FRAS1: variants seen among roughly 807,000 people sequenced by gnomAD.
The protein encoded by FRAS1 is Fraser extracellular matrix complex subunit 1, also known as extracellular matrix organizing protein FRAS1.
FRAS1 carries 290 observed loss-of-function variants against 435.2 expected under a neutral mutation model. The ratio of observed to expected loss-of-function variants is 0.67; its 90% confidence interval spans 0.61 to 0.73. The LOEUF is 0.73. FRAS1 is among the 30% of genes least tolerant of loss of function. The pLI is 0.00. For synonymous variants in FRAS1, 1,800 were observed against 1,851.0 expected (o/e 0.97, Z 0.71); for missense variants, 4,860 against 5,001.5 (o/e 0.97, Z 0.85).
intron 9 of FRAS1, among the ~76,000 whole-genome samples, chr4:78,275,029 T>A (rs1341893936): frequency 6.6e-6 from 1 of 152,254 alleles, no homozygotes; most frequent in Non-Finnish European, 1.5e-5. Flanking sequence ...TTAGGATAGT[T>A]AGCTCTTCTT....
chr4:78,137,066 T>C (rs1351072227), intron 2 of FRAS1, among the ~76,000 whole-genome samples: 1 of 152,174 alleles, frequency 6.6e-6, no homozygotes, highest in Non-Finnish European at 1.5e-5. Context: ...GGAAAGGAAA[T>C]AGATTTAATG....
In FRAS1 at chr4:78,416,606, G is replaced by A. The variant is rs138201995; in HGVS notation, c.4426-2343G>A. The stretch of plus-strand genomic sequence containing the variant: ...GTGGGAAGCATGACAAGTTGAGTCT[G>A]GGATATGCTGGTGAAGGGTGTGCTG... On this transcript the variant is annotated intron_variant, in intron 32 of 73. Transcript: ENST00000512123. 4.5e-3 allele frequency among the ~76,000 whole-genome samples: 678 copies of A among 152,244 alleles called. 4 individuals carry two copies. The highest frequency in any genetic ancestry group is 7.4e-3 in the Non-Finnish European group (504 of 68,008).
At chr4:78,354,533 C>G (rs1463280526) in intron 20 of FRAS1, among the ~76,000 whole-genome samples, 1 of 152,150 alleles carries the variant, frequency 6.6e-6, no homozygotes, top group Non-Finnish European at 1.5e-5. Flanking sequence ...ATACTTATCT[C>G]ACAAGCAGAA....
chr4:78,319,632 A>C (rs933341586), intron 18 of FRAS1: 5 of 287,104 alleles, frequency 1.7e-5, no homozygotes, highest in Non-Finnish European at 2.8e-5. Flanking sequence ...TTCATTAAAA[A>C]AATTTTATAA....
At chr4:78,390,889 C>T (rs370750673) in intron 29 of FRAS1, among the ~76,000 whole-genome samples, 2 of 152,138 alleles carry the variant, frequency 1.3e-5, no homozygotes, top group African/African-American at 2.4e-5. Flanking sequence ...AATGAATGTA[C>T]GAATTACTCC....
chr4:78,192,399 T>A (rs966702773), intron 2 of FRAS1, among the ~76,000 whole-genome samples: 2 of 152,164 alleles, frequency 1.3e-5, no homozygotes, highest in African/African-American at 4.8e-5. Context: ...CGGCTGTGAA[T>A]CCTGGACCTT....
chr4:78,453,857 A>G (rs1478521604), intron 47 of FRAS1, among the ~76,000 whole-genome samples: 1 of 152,166 alleles, frequency 6.6e-6, no homozygotes. Flanking sequence ...AGAGGCAGTG[A>G]CAGCATATTG....
In FRAS1 at chr4:78,208,226, A is replaced by G. The variant is rs532812749; in HGVS notation, c.109-29284A>G. ...ACTACAGCTCGTGTCTCAGGAAGCT[A>G]CATCCTTAGAAAAAGGGGGAGAGTA... is the stretch of plus-strand genomic sequence containing the variant. On this transcript the variant is annotated intron_variant, in intron 2 of 73. Coordinates refer to ENST00000512123, the MANE Select transcript of FRAS1 (RefSeq NM_025074.7). Among the ~76,000 whole-genome samples the G allele has an allele frequency of 3.9e-5, 6 of 152,330 alleles. No homozygotes were observed. The East Asian group carries it at 1.2e-3, about 29-fold the overall frequency.
intron 2 of FRAS1, among the ~76,000 whole-genome samples, chr4:78,194,018 C>T (rs1355113933): frequency 1.3e-5 from 2 of 152,248 alleles, no homozygotes; most frequent in South Asian, 2.1e-4. Context: ...TTTTATTTCT[C>T]CTTCACTTAT....
At position 78,333,369 on chromosome 4, in the gene FRAS1, C is replaced by T; in HGVS notation, c.2235C>T (p.Ser745=). 1 of 1,611,972 alleles carries T rather than the reference C, an allele frequency of 6.2e-7. No individual in the cohort carries two copies. The highest frequency in any genetic ancestry group is 8.5e-7 in the Non-Finnish European group (1 of 1,179,100). Residue 745 remains serine (S), a synonymous_variant, in exon 19 of 74, where the codon TCC becomes TCT. Coordinates refer to ENST00000512123, the MANE Select transcript of FRAS1 (RefSeq NM_025074.7). ...SHVLLDGQCL[S]QCPDGYFHQE... is the part of the protein sequence containing the mutation. The stretch of plus-strand genomic sequence containing the variant: ...TGCTGTTGGATGGGCAGTGCCTCTC[C>T]CAGTGCCCAGATGGCTACTTTCACC...
intron 20 of FRAS1, among the ~76,000 whole-genome samples, chr4:78,361,841 C>T (rs983525311): frequency 6.6e-5 from 10 of 152,152 alleles, no homozygotes; most frequent in Non-Finnish European, 1.3e-4. Context: ...GGGAAGGCCC[C>T]GTAACCAGAA....
intron 61 of FRAS1, among the ~76,000 whole-genome samples, chr4:78,502,277 G>A (rs10008906): frequency 0.33 from 50,009 of 151,968 alleles, 8,958 homozygotes; most frequent in South Asian, 0.52. Context: ...TAGCTTGATC[G>A]GGATGGCATT....
intron 2 of FRAS1, among the ~76,000 whole-genome samples, chr4:78,120,025 T>C (rs1201191195): frequency 6.6e-6 from 1 of 152,210 alleles, no homozygotes; most frequent in African/African-American, 2.4e-5. Context: ...CTTTGTTTGC[T>C]CCTTGTTCTT....
intron 14 of FRAS1, among the ~76,000 whole-genome samples, chr4:78,307,434 T>C (rs1728806106): frequency 6.6e-6 from 1 of 152,228 alleles, no homozygotes; most frequent in Non-Finnish European, 1.5e-5. Context: ...TAAGCAAGCC[T>C]GGGCAATGGC....
chr4:78,456,424 T>A (rs1719203824), intron 47 of FRAS1, among the ~76,000 whole-genome samples: 1 of 152,212 alleles, frequency 6.6e-6, no homozygotes, highest in Admixed American at 6.5e-5. Flanking sequence ...TTTACAGGCA[T>A]GAGCCATGTA....
intron 2 of FRAS1, among the ~76,000 whole-genome samples, chr4:78,103,329 G>T (rs1000726846): frequency 6.6e-6 from 1 of 152,092 alleles, no homozygotes; most frequent in Non-Finnish European, 1.5e-5. Flanking sequence ...AACTGGAAAT[G>T]GTTTAGTTTT....
In FRAS1 at chr4:78,464,152, G is replaced by A. The variant is rs1323834561; in HGVS notation, c.6888+7G>A. The A allele has an allele frequency of 1.2e-6, 2 of 1,604,978 alleles. No individual in the cohort carries two copies. The highest frequency in any genetic ancestry group is 1.7e-5 in the Admixed American group (1 of 58,384). On this transcript the variant is annotated splice_region_variant and intron_variant, in intron 48 of 73. Coordinates refer to ENST00000512123, the MANE Select transcript of FRAS1 (RefSeq NM_025074.7). ...GTCTGATGGAGTCAGTGAGGTAGGT[G>A]AGGCACTGAACTCCATCCTTGAAAA...
chr4:78,458,080 T>C lies in FRAS1; in HGVS notation c.6763+5726T>C, dbSNP rs531833751. Among the ~76,000 whole-genome samples the C allele has an allele frequency of 2.6e-5, 4 of 152,278 alleles. No homozygotes were observed. The East Asian group carries it at 7.7e-4, about 29-fold the overall frequency. ...GGTCAAAGCGAGAACTTCCAGGTAA[T>C]GTCCTGGGCTTTGACTCAGCCACCT... On this transcript the variant is annotated intron_variant, in intron 47 of 73. Coordinates refer to ENST00000512123, the MANE Select transcript of FRAS1 (RefSeq NM_025074.7).
intron 4 of FRAS1, among the ~76,000 whole-genome samples, chr4:78,249,068 T>TATATATATATGC (rs1403109170): frequency 1.5e-4 from 16 of 106,618 alleles, no homozygotes; most frequent in East Asian, 7.5e-4. Context: ...TATATGCATA[T>TATATATATATGC]ATATATATAT....
Sources: allele counts gnomAD v4.1 joint callset (sites outside exome capture counted in the v4.1 genomes callset), GRCh38; gene constraint gnomAD v4.1.1; transcripts MANE v1.5; gene names NCBI Gene and HGNC (gene_info 2026-07-23, HGNC 2026-07-21).